ADAMTS15: variants seen among roughly 807,000 people sequenced by gnomAD.
ADAMTS15 encodes the protein A disintegrin and metalloproteinase with thrombospondin motifs 15.
In ADAMTS15, 35 loss-of-function variants were observed where a neutral mutation model predicts 79.1. The ratio of observed to expected loss-of-function variants is 0.44; its 90% CI spans 0.34 to 0.59. ADAMTS15 has a LOEUF of 0.59. ADAMTS15 is among the 20% of genes least tolerant of loss of function. The pLI is 0.02. For synonymous variants in ADAMTS15, 616 were observed against 567.3 expected (o/e 1.09, Z -1.22); for missense variants, 1,324 against 1,318.7 (o/e 1.00, Z -0.06).
Position 130,470,207 on chromosome 11 carries a change from T to TACAC in ADAMTS15, c.1721-712_1721-711insCACA, listed in dbSNP as rs1565397941. ...GTGTGTATATATATATATATATATA[T>TACAC]ATGTATATATATATATATTTTCTGA... On this transcript the variant is annotated intron_variant, in intron 5 of 7. Coordinates refer to ENST00000299164, the MANE Select transcript of ADAMTS15 (RefSeq NM_139055.4). 4.8e-4 allele frequency among the ~76,000 whole-genome samples: 29 copies of TACAC among 60,210 alleles called. 2 individuals are homozygous for TACAC. The highest frequency in any genetic ancestry group is 2.8e-3 in the African/African-American group (27 of 9,716). The allele number at this position is 60,210 out of a possible 152,430, so 39.5% of individuals were successfully genotyped here. A position where few individuals can be genotyped will look rare whatever the true frequency, so the allele number is the denominator to read the frequency against.
chr11:130,466,511 C>T (rs1938302592), intron 4 of ADAMTS15, among the ~76,000 whole-genome samples: 1 of 152,136 alleles, frequency 6.6e-6, no homozygotes, highest in African/African-American at 2.4e-5. Flanking sequence ...TGCTTCACAC[C>T]CTGTATCTCC....
At chr11:130,470,167 T>TATATATATAC (rs1938409420) in intron 5 of ADAMTS15, among the ~76,000 whole-genome samples, 3 of 57,626 alleles carry the variant, frequency 5.2e-5, no homozygotes, top group African/African-American at 3.2e-4. Flanking sequence ...TATATATATA[T>TATATATATAC]ATATATATAT....
At position 130,474,012 on chromosome 11, in the gene ADAMTS15, G is replaced by A. The variant is rs1299150946; in HGVS notation, c.*191G>A. On this transcript the variant is annotated 3_prime_UTR_variant, in exon 8 of 8. Transcript: ENST00000299164. The stretch of plus-strand genomic sequence containing the variant: ...CTGGACTGGGCAGAGGGAAGCCCAG[G>A]AACTCCCGCACAGTCTACCTCAGGC... 5 of 790,556 alleles carry A rather than the reference G, an allele frequency of 6.3e-6. No individual in the cohort carries two copies. Among genetic ancestry groups the A allele is most frequent in the Non-Finnish European group, 9.7e-6 (5 of 515,060 alleles). 49.0% of individuals were successfully genotyped at this position (790,556 alleles called of 1,614,324 possible).
rs1331994005 is a variant in ADAMTS15, at chr11:130,476,475, G to C, written c.*2654G>C. 3 of 152,246 alleles carry C rather than the reference G, an allele frequency of 2.0e-5. No homozygotes were observed. Among genetic ancestry groups the C allele is most frequent in the Admixed American group, 6.5e-5 (1 of 15,270 alleles). The allele number at this position is 152,246 out of a possible 1,614,324, so 9.4% of individuals were successfully genotyped here. A position where few individuals can be genotyped will look rare whatever the true frequency, so the allele number is the denominator to read the frequency against. On this transcript the variant is annotated 3_prime_UTR_variant, in exon 8 of 8. Transcript: ENST00000299164. ...GAAGCACTAGACACTGACACTCATT[G>C]GTAGACCCTCCCTCCCCGCCGTTGT...
Position 130,449,339 on chromosome 11 carries a change from G to T in ADAMTS15, c.366G>T (p.Gly122=), listed in dbSNP as rs1937905264. The change falls in exon 1 of 8, where the codon GGG becomes GGT. Residue 122 remains glycine, a synonymous_variant. Coordinates refer to ENST00000299164, the MANE Select transcript of ADAMTS15 (RefSeq NM_139055.4). This position sits in a 1 kb window ranked among gnomAD's most constrained non-coding sequence, Gnocchi z 7.8. ...DSFAAVSLCG[G]LRGAFGYRGA... Reference sequence around the variant, plus strand: ...TCGCTGCTGTGAGCCTGTGCGGGGGGCTCCGCGGAGCCTTTGGCTACCGAG... The same window carrying T: ...TCGCTGCTGTGAGCCTGTGCGGGGGTCTCCGCGGAGCCTTTGGCTACCGAG... 6.2e-7 allele frequency: 1 copy of T among 1,608,268 alleles called. No individual in the cohort carries two copies.
chr11:130,467,292 G>A lies in ADAMTS15; in HGVS notation c.1543-1970G>A, dbSNP rs571430989. On this transcript the variant is annotated intron_variant, in intron 4 of 7. Transcript: ENST00000299164. ...GGGGGCAGCTTCTGGGGTGTGATGGGGACAAAACCCACAGTGCAAGGCTCT... is the reference window on the plus strand; with the variant it reads ...GGGGGCAGCTTCTGGGGTGTGATGGAGACAAAACCCACAGTGCAAGGCTCT... Among the ~76,000 whole-genome samples, 6 of 152,206 alleles carry A rather than the reference G, an allele frequency of 3.9e-5. No individual in the cohort carries two copies. The South Asian group carries it at 1.2e-3, about 32-fold the overall frequency.
At position 130,449,733 on chromosome 11, in the gene ADAMTS15, CG is replaced by C; in HGVS notation, c.761del (p.Arg254ProfsTer34). The C allele has an allele frequency of 6.2e-7, 1 of 1,612,498 alleles. No individual in the cohort carries two copies. The highest frequency in any genetic ancestry group is 8.5e-7 in the Non-Finnish European group (1 of 1,179,748). On this transcript the variant is annotated frameshift_variant, in exon 1 of 8. Transcript: ENST00000299164. LOFTEE classifies it high-confidence loss of function. This position sits in a 1 kb window ranked among gnomAD's most constrained non-coding sequence, Gnocchi z 7.8. ...GCTGGCAACGGCGGCGCGACTCTAC[CG>C]CCATCCCAGCATCCTCAACCCCATC... The part of the protein sequence containing the change: ...TLLATAARLY[R>X]HPSILNPINI...
In ADAMTS15 at chr11:130,472,177, C is replaced by T. The variant is rs1592151611; in HGVS notation, c.2078+794C>T. 6.6e-6 allele frequency among the ~76,000 whole-genome samples: 1 copy of T among 152,334 alleles called. No individual in the cohort carries two copies. Among genetic ancestry groups the T allele is most frequent in the East Asian group, 1.9e-4 (1 of 5,186 alleles). On this transcript the variant is annotated intron_variant, in intron 7 of 7. Transcript: ENST00000299164. This position sits in a 1 kb window ranked among gnomAD's most constrained non-coding sequence, Gnocchi z 4.7. ...AGTTAGGGGTGGAGGCTATGGTTGG[C>T]CTAGAAAATTTGGGAGCCCAGGTGC...
Position 130,449,424 on chromosome 11 carries a change from A to C in ADAMTS15, c.451A>C (p.Ser151Arg), listed in dbSNP as rs1462355999. Residue 151 changes from serine to arginine, a missense_variant, in exon 1 of 8, where the codon AGC becomes CGC. Coordinates refer to ENST00000299164, the MANE Select transcript of ADAMTS15 (RefSeq NM_139055.4). The surrounding 1 kb of genome is among the most constrained non-coding windows in gnomAD (Gnocchi z 7.8). ...NASAPAAQRN[S>R]QGAHLLQRRG... is the part of the protein sequence containing the mutation. Reference sequence around the variant, plus strand: ...TAGCGCGCCGGCGGCGCAGCGCAACAGCCAGGGCGCACACCTTCTCCAGCG... The same window carrying C: ...TAGCGCGCCGGCGGCGCAGCGCAACCGCCAGGGCGCACACCTTCTCCAGCG... 2 of 1,595,760 alleles carry C rather than the reference A, an allele frequency of 1.3e-6. No individual in the cohort carries two copies. The highest frequency in any genetic ancestry group is 1.7e-6 in the Non-Finnish European group (2 of 1,175,894).
rs1938417541 is a variant in ADAMTS15 at position 130,470,190 on chromosome 11, A to ATATATATATATGTG, written c.1721-719_1721-718insGTGTATATATATAT. Among the ~76,000 whole-genome samples the ATATATATATATGTG allele has an allele frequency of 3.3e-5, 2 of 60,020 alleles. 1 individual carries two copies. The highest frequency in any genetic ancestry group is 6.4e-5 in the Non-Finnish European group (2 of 31,370). 39.4% of individuals were successfully genotyped at this position (60,020 alleles called of 152,430 possible). A position where few individuals can be genotyped will look rare whatever the true frequency, so the allele number is the denominator to read the frequency against. The stretch of plus-strand genomic sequence containing the variant: ...TATATATATATATATATGTGTGTAT[A>ATATATATATATGTG]TATATATATATATATATATGTATAT... On this transcript the variant is annotated intron_variant, in intron 5 of 7. Coordinates refer to ENST00000299164, the MANE Select transcript of ADAMTS15 (RefSeq NM_139055.4).
chr11:130,461,471 T>G lies in ADAMTS15; in HGVS notation c.958-18T>G. On this transcript the variant is annotated intron_variant, in intron 1 of 7. Coordinates refer to ENST00000299164, the MANE Select transcript of ADAMTS15 (RefSeq NM_139055.4). ...TCTCTAACTTCGGGCTGGCTTCTGCTTCTCCCCCACCCGGCAGGACCTGTG... is the reference window on the plus strand; with the variant it reads ...TCTCTAACTTCGGGCTGGCTTCTGCGTCTCCCCCACCCGGCAGGACCTGTG... The G allele has an allele frequency of 1.9e-6, 3 of 1,613,992 alleles. No individual in the cohort carries two copies. The highest frequency in any genetic ancestry group is 2.5e-6 in the Non-Finnish European group (3 of 1,179,998).
chr11:130,465,481 T>C (rs1938281474), intron 4 of ADAMTS15, among the ~76,000 whole-genome samples: 1 of 152,234 alleles, frequency 6.6e-6, no homozygotes, highest in Non-Finnish European at 1.5e-5. Flanking sequence ...ACAAAACTTC[T>C]TATGATCCCA....
chr11:130,452,942 C>T (rs1417836640), intron 1 of ADAMTS15, among the ~76,000 whole-genome samples: 51 of 151,292 alleles, frequency 3.4e-4, no homozygotes, highest in Admixed American at 3.4e-3. Flanking sequence ...GATCATGCCA[C>T]TGCACTGCAG....
Position 130,449,683 on chromosome 11 carries a change from A to C in ADAMTS15, c.710A>C (p.Asp237Ala). 1.2e-6 allele frequency: 2 copies of C among 1,605,116 alleles called. No individual in the cohort carries two copies. Among genetic ancestry groups the C allele is most frequent in the South Asian group, 1.1e-5 (1 of 89,886 alleles). ...DESMVKFHGA[D>A]LEHYLLTLLA... ...TCAATGGTCAAGTTCCACGGCGCGG[A>C]CCTGGAACATTATCTGCTGACGCTG... Residue 237 changes from aspartate (D) to alanine (A), a missense_variant, in exon 1 of 8, where the codon GAC becomes GCC. Physicochemically the swap from Asp to Ala is moderately radical, Grantham distance 126 (BLOSUM62 -2). Transcript: ENST00000299164. The surrounding 1 kb of genome is among the most constrained non-coding windows in gnomAD (Gnocchi z 7.8).
At position 130,448,846 on chromosome 11, in the gene ADAMTS15, T is replaced by C; in HGVS notation, c.-128T>C. The C allele has an allele frequency of 1.4e-6, 1 of 691,380 alleles. No individual in the cohort carries two copies. The highest frequency in any genetic ancestry group is 2.1e-6 in the Non-Finnish European group (1 of 480,362). The allele number at this position is 691,380 out of a possible 1,614,324, so 42.8% of individuals were successfully genotyped here. On this transcript the variant is annotated 5_prime_UTR_variant, in exon 1 of 8. Transcript: ENST00000299164. ...GGAGTCTCCCTCCCTTGGCTCTCCT[T>C]TCTGGGAACTGCCGGCTGTCCCGTA...
chr11:130,464,980 AAAAAG>A (rs919738050), intron 4 of ADAMTS15, among the ~76,000 whole-genome samples: 9 of 151,902 alleles, frequency 5.9e-5, no homozygotes, highest in African/African-American at 1.9e-4. Flanking sequence ...GAAAAAAAAA[AAAAAG>A]AAAAAGAAAA....
intron 1 of ADAMTS15, among the ~76,000 whole-genome samples, chr11:130,451,989 A>G (rs1324472238): frequency 6.6e-6 from 1 of 152,168 alleles, no homozygotes; most frequent in Non-Finnish European, 1.5e-5. Context: ...CTAGAGAGTG[A>G]GGCTTCTGTG....
intron 7 of ADAMTS15, among the ~76,000 whole-genome samples, chr11:130,471,659 T>C (rs912573718): frequency 3.9e-5 from 6 of 152,116 alleles, no homozygotes; most frequent in Non-Finnish European, 8.8e-5. Flanking sequence ...GGCAGAGTTG[T>C]TAGGGGCTGT....
Position 130,476,497 on chromosome 11 carries a change from T to C in ADAMTS15, c.*2676T>C, listed in dbSNP as rs138679768. 9.6e-4 allele frequency: 146 copies of C among 152,294 alleles called. No homozygotes were observed. Among genetic ancestry groups the C allele is most frequent in the Admixed American group, 2.1e-3 (32 of 15,278 alleles). 9.4% of individuals were successfully genotyped at this position (152,294 alleles called of 1,614,324 possible). A position where few individuals can be genotyped will look rare whatever the true frequency, so the allele number is the denominator to read the frequency against. ...ATTGGTAGACCCTCCCTCCCCGCCGTTGTGTTTGGTTCTTTTGCACTCCAT... is the reference window on the plus strand; with the variant it reads ...ATTGGTAGACCCTCCCTCCCCGCCGCTGTGTTTGGTTCTTTTGCACTCCAT... On this transcript the variant is annotated 3_prime_UTR_variant, in exon 8 of 8. Transcript: ENST00000299164.
Sources: allele counts gnomAD v4.1 joint callset (sites outside exome capture counted in the v4.1 genomes callset), GRCh38; gene constraint gnomAD v4.1.1; non-coding constraint Gnocchi (gnomAD v3.1); transcripts MANE v1.5; gene names NCBI Gene and HGNC (gene_info 2026-07-23, HGNC 2026-07-21).